Variants in MYCBP2 observed in about 807,000 individuals in gnomAD.
The protein encoded by MYCBP2 is E3 ubiquitin-protein ligase MYCBP2.
Under a neutral mutation model 525.3 loss-of-function variants are expected in MYCBP2, and 120 were observed. The ratio of observed to expected loss-of-function variants is 0.23; its 90% CI spans 0.20 to 0.27. The LOEUF is 0.27. Ranked by LOEUF, MYCBP2 falls within the 10% of genes least tolerant of loss-of-function variation. MYCBP2 has a pLI of 1.00. For missense variants in MYCBP2, 4,149 were observed against 5,657.1 expected, an observed-to-expected ratio of 0.73 and a Z score of 8.55; for synonymous variants, 1,894 against 1,955.8, an observed-to-expected ratio of 0.97 and a Z score of 0.83.
chr13:77,318,686 G>A (rs906830976), intron 1 of MYCBP2, among the ~76,000 whole-genome samples: 8 of 152,254 alleles, frequency 5.3e-5, no homozygotes, highest in Admixed American at 2.0e-4. Flanking sequence ...CCTGGCAGGC[G>A]GAGGTTGCAG....
intron 21 of MYCBP2, among the ~76,000 whole-genome samples, chr13:77,213,719 T>C (rs1391561751): frequency 6.6e-6 from 1 of 152,214 alleles, no homozygotes; most frequent in Non-Finnish European, 1.5e-5. Flanking sequence ...AGTTCACAAC[T>C]AGGACTGCTG....
At chr13:77,290,966 T>C (rs1250830164) in intron 2 of MYCBP2, among the ~76,000 whole-genome samples, 2 of 152,160 alleles carry the variant, frequency 1.3e-5, no homozygotes, top group Non-Finnish European at 2.9e-5. Context: ...ATAAAATATG[T>C]GTAAGCCCTA....
chr13:77,095,476 T>G lies in MYCBP2; in HGVS notation c.10081A>C (p.Ser3361Arg), dbSNP rs1418061792. ...TTTGCAGGATGGTAACACAGAATGC[T>G]CGGTTCTGCTGCACTGCTCAGGGAC... ...LLSLSSAAEP[S>R]ILCYHPAKPF... is the part of the protein sequence containing the mutation. Residue 3361 changes from serine to arginine, a missense_variant, in exon 58 of 83, where the codon AGC (serine) becomes CGC (arginine). Physicochemically the swap from Ser to Arg is moderately radical, Grantham distance 110. This residue lies in a region of MYCBP2 where 509 missense variants were observed against 789.4 expected (regional missense o/e 0.64). Transcript: ENST00000544440. The G allele has an allele frequency of 3.1e-6, 5 of 1,613,486 alleles. No homozygotes were observed. The highest frequency in any genetic ancestry group is 4.2e-6 in the Non-Finnish European group (5 of 1,179,740).
At chr13:77,249,429 A>G (rs2070720537) in intron 15 of MYCBP2, among the ~76,000 whole-genome samples, 1 of 152,256 alleles carries the variant, frequency 6.6e-6, no homozygotes, top group Non-Finnish European at 1.5e-5. Flanking sequence ...AATAATTATT[A>G]TAAATTATGT....
At chr13:77,319,471 T>C (rs1661078372) in intron 1 of MYCBP2, among the ~76,000 whole-genome samples, 1 of 152,216 alleles carries the variant, frequency 6.6e-6, no homozygotes, top group South Asian at 2.1e-4. Context: ...AATTAAGTTT[T>C]GGGTTGAAGC....
intron 45 of MYCBP2, 128 bp downstream of exon 45, chr13:77,157,809 A>G: frequency 1.4e-6 from 1 of 731,222 alleles, no homozygotes; most frequent in Non-Finnish European, 2.2e-6. Flanking sequence ...TTTATATTTC[A>G]GCAAGTTAAA....
At chr13:77,185,446 A>T (rs986281679) in intron 31 of MYCBP2, 69 bp from the exon 32 acceptor site, 2 of 1,448,886 alleles carry the variant, frequency 1.4e-6, no homozygotes, top group Non-Finnish European at 1.9e-6. Flanking sequence ...AATCAATATA[A>T]TTCAGTAATT....
At chr13:77,173,059 T>A (rs2059295375) in intron 37 of MYCBP2, among the ~76,000 whole-genome samples, 1 of 152,098 alleles carries the variant, frequency 6.6e-6, no homozygotes, top group Non-Finnish European at 1.5e-5. Flanking sequence ...ACTAGTGTCA[T>A]CCAAATGAAG....
chr13:77,087,375 G>T, intron 62 of MYCBP2, 109 bp downstream of exon 62: 1 of 960,442 alleles, frequency 1.0e-6, no homozygotes, highest in Non-Finnish European at 1.5e-6. Flanking sequence ...TATTCTTTTT[G>T]CTTTCAAGTT....
chr13:77,107,696 C>T (rs1167097501), intron 55 of MYCBP2, among the ~76,000 whole-genome samples: 3 of 151,984 alleles, frequency 2.0e-5, no homozygotes, highest in African/African-American at 4.8e-5. Flanking sequence ...CTAGATTGCA[C>T]CACTGTACTC....
chr13:77,056,105 T>TGG (rs1303759851), intron 79 of MYCBP2, among the ~76,000 whole-genome samples: 1 of 90,316 alleles, frequency 1.1e-5, no homozygotes, highest in Non-Finnish European at 2.5e-5. Flanking sequence ...GTTTGGTGTG[T>TGG]GTGTGTGTGT....
At chr13:77,249,950 G>A (rs147933894) in intron 15 of MYCBP2, among the ~76,000 whole-genome samples, 202 of 152,246 alleles carry the variant, frequency 1.3e-3, no homozygotes, top group East Asian at 2.5e-3. Context: ...ATGGCCGGGC[G>A]CGGTGGCTCA....
At chr13:77,164,602 A>T in intron 42 of MYCBP2, 61 bp from the exon 43 acceptor site, 1 of 976,372 alleles carries the variant, frequency 1.0e-6, no homozygotes, top group Non-Finnish European at 1.6e-6. Flanking sequence ...CGGATTATCA[A>T]CAAAATGTGA....
At chr13:77,156,277 G>A (rs2154199041) in intron 45 of MYCBP2, 75 bp from the exon 46 acceptor site, 3 of 1,384,072 alleles carry the variant, frequency 2.2e-6, no homozygotes, top group East Asian at 2.4e-5. Flanking sequence ...ATAAAATTAA[G>A]CCAAATGAAC....
intron 24 of MYCBP2, 147 bp downstream of exon 24, chr13:77,206,506 T>G: frequency 1.4e-6 from 1 of 690,062 alleles, no homozygotes; most frequent in African/African-American, 1.8e-5. Flanking sequence ...TCTGTGGAAT[T>G]AGCCTCTTAG....
intron 23 of MYCBP2, among the ~76,000 whole-genome samples, chr13:77,208,794 T>A (rs1227576829): frequency 6.6e-6 from 1 of 152,192 alleles, no homozygotes; most frequent in Non-Finnish European, 1.5e-5. Flanking sequence ...CTTTGTTTTT[T>A]AAAAAATAAC....
rs2082379023 is a variant in MYCBP2 at position 77,326,832 on chromosome 13, C to T, written c.-57G>A. ...TCCCCGCGGGCCGGGCGGGCAGACA[C>T]GCGCGCGCACACACAGCCCTTTTCC... On this transcript the variant is annotated 5_prime_UTR_variant, in exon 1 of 83. The change creates a new upstream start codon in the 5' untranslated region. Transcript: ENST00000544440. The surrounding 1 kb of genome is among the most constrained non-coding windows in gnomAD (Gnocchi z 4.2). 7.3e-7 allele frequency: 1 copy of T among 1,367,252 alleles called. No homozygotes were observed. The highest frequency in any genetic ancestry group is 9.3e-7 in the Non-Finnish European group (1 of 1,070,766). The allele number at this position is 1,367,252 out of a possible 1,614,324, so 84.7% of individuals were successfully genotyped here. A position where few individuals can be genotyped will look rare whatever the true frequency, so the allele number is the denominator to read the frequency against.
chr13:77,171,927 G>A (rs2059178086), intron 37 of MYCBP2, among the ~76,000 whole-genome samples: 1 of 152,176 alleles, frequency 6.6e-6, no homozygotes, highest in Admixed American at 6.5e-5. Flanking sequence ...TTGAGACAGA[G>A]TCTTGCTCTG....
chr13:77,243,071 C>T lies in MYCBP2; in HGVS notation c.2617G>A (p.Glu873Lys), dbSNP rs1274368768. The T allele has an allele frequency of 6.2e-7, 1 of 1,613,906 alleles. No homozygotes were observed. The highest frequency in any genetic ancestry group is 1.3e-5 in the African/African-American group (1 of 74,910). The stretch of plus-strand genomic sequence containing the variant: ...AGCTACATCTTACCTCTTCCTTCCT[C>T]TAATCTGTGCCTTCTGATTACACGT... The part of the protein sequence containing the change: ...RQRVIRRHRL[E>K]EGRGPLVFAG... The change falls in exon 17 of 83, where the codon GAG becomes AAG. Residue 873 changes from glutamate (E) to lysine (K), a missense_variant. By Grantham distance (56) the Glu-to-Lys change is moderately conservative. Around this residue, in one of 21 missense-constraint regions of MYCBP2, gnomAD observed 620 missense variants for 795.5 expected, o/e 0.78. Coordinates refer to ENST00000544440, the MANE Select transcript of MYCBP2 (RefSeq NM_015057.5).
Sources: allele counts gnomAD v4.1 joint callset (sites outside exome capture counted in the v4.1 genomes callset), GRCh38; gene constraint gnomAD v4.1.1; regional missense constraint gnomAD v4.1.1; non-coding constraint Gnocchi (gnomAD v3.1); transcripts MANE v1.5; gene names NCBI Gene and HGNC (gene_info 2026-07-23, HGNC 2026-07-21).